ROBO2: variants seen among roughly 807,000 people sequenced by gnomAD.
ROBO2 encodes the protein roundabout homolog 2.
Under a neutral mutation model 160.8 loss-of-function variants are expected in ROBO2, and 53 were observed. The observed-to-expected ratio is 0.33, with a 90% CI of 0.26 to 0.41. ROBO2 has a LOEUF of 0.41. Among genes scored for constraint, ROBO2 ranks in the 10% least tolerant of loss-of-function variants. ROBO2 has a pLI of 1.00. For missense variants in ROBO2, 1,577 were observed against 1,722.4 expected (o/e 0.92, Z 1.49); for synonymous variants, 664 against 611.7 (o/e 1.09, Z -1.26).
At chr3:76,273,689 C>T (rs1255471910) in intron 2 of ROBO2, among the ~76,000 whole-genome samples, 1 of 152,036 alleles carries the variant, frequency 6.6e-6, no homozygotes, top group East Asian at 1.9e-4. Flanking sequence ...AACTCACTCA[C>T]CATCATGAGA....
chr3:77,525,800 T>C (rs1399972660), intron 6 of ROBO2, among the ~76,000 whole-genome samples: 1 of 151,132 alleles, frequency 6.6e-6, no homozygotes, highest in African/African-American at 2.4e-5. Context: ...TTTTTTTTCT[T>C]TTGTCAATAT....
chr3:77,193,275 CAAA>C (rs199951931), intron 2 of ROBO2, among the ~76,000 whole-genome samples: 20 of 144,568 alleles, frequency 1.4e-4, no homozygotes, highest in Middle Eastern at 3.5e-3. Context: ...ACAGATAATT[CAAA>C]AAAAAAAAAA....
At chr3:76,737,034 A>G (rs892238442) in intron 2 of ROBO2, among the ~76,000 whole-genome samples, 2 of 152,214 alleles carry the variant, frequency 1.3e-5, no homozygotes, top group Admixed American at 6.5e-5. Flanking sequence ...CTGCAAAGTT[A>G]TTGAGAATGG....
intron 2 of ROBO2, among the ~76,000 whole-genome samples, chr3:77,347,499 A>AT (rs1452383815): frequency 1.3e-5 from 2 of 152,124 alleles, no homozygotes; most frequent in East Asian, 3.9e-4. Context: ...AGAAGAATCT[A>AT]TAGTGTGTCA....
intron 12 of ROBO2, among the ~76,000 whole-genome samples, chr3:77,566,045 A>G (rs1244031084): frequency 2.0e-5 from 3 of 152,116 alleles, no homozygotes; most frequent in African/African-American, 7.2e-5. Flanking sequence ...TTTGTAAAAG[A>G]CTTTGAACAA....
chr3:76,424,560 A>G (rs2076131971), intron 2 of ROBO2, among the ~76,000 whole-genome samples: 2 of 152,172 alleles, frequency 1.3e-5, no homozygotes, highest in South Asian at 4.1e-4. Context: ...GTTATGCAAA[A>G]TAAATAAGAT....
In ROBO2 at chr3:77,100,967, T is replaced by C. The variant is rs370922448; in HGVS notation, c.388+2627T>C. ...AAAGAATGGAAGCTTAAATGAACAC[T>C]GTGTATTCGGAGAACTGCCAGGTGT... is the stretch of plus-strand genomic sequence containing the variant. On this transcript the variant is annotated intron_variant, in intron 2 of 25. Transcript: ENST00000461745. 1.5e-4 allele frequency among the ~76,000 whole-genome samples: 23 copies of C among 152,300 alleles called. No individual in the cohort carries two copies. In the East Asian group the frequency reaches 4.4e-3, roughly 29 times the overall value.
At chr3:76,368,251 A>G (rs2075930624) in intron 2 of ROBO2, among the ~76,000 whole-genome samples, 1 of 151,996 alleles carries the variant, frequency 6.6e-6, no homozygotes, top group Admixed American at 6.6e-5. Context: ...TGAATATGTG[A>G]AATAGAATAG....
chr3:77,189,837 G>A (rs1478325896), intron 2 of ROBO2, among the ~76,000 whole-genome samples: 1 of 151,782 alleles, frequency 6.6e-6, no homozygotes, highest in Non-Finnish European at 1.5e-5. Context: ...ATTAAACACA[G>A]GCTGGTACTG....
chr3:77,424,646 G>A (rs1043714523), intron 2 of ROBO2, among the ~76,000 whole-genome samples: 2 of 152,066 alleles, frequency 1.3e-5, no homozygotes, highest in African/African-American at 4.8e-5. Context: ...TAATGTAAAG[G>A]TTCTTTTCTT....
intron 2 of ROBO2, among the ~76,000 whole-genome samples, chr3:77,109,137 T>C (rs2073237540): frequency 6.6e-6 from 1 of 152,160 alleles, no homozygotes; most frequent in African/African-American, 2.4e-5. Context: ...GCATCTGTAG[T>C]TCAAGTGAAG....
At chr3:76,511,225 T>G (rs1234872025) in intron 2 of ROBO2, among the ~76,000 whole-genome samples, 1 of 152,222 alleles carries the variant, frequency 6.6e-6, no homozygotes, top group African/African-American at 2.4e-5. Flanking sequence ...ACAAGTTAAG[T>G]ATAAACTTGC....
At chr3:76,623,027 C>T (rs1427552437) in intron 2 of ROBO2, among the ~76,000 whole-genome samples, 1 of 152,202 alleles carries the variant, frequency 6.6e-6, no homozygotes, top group Non-Finnish European at 1.5e-5. Context: ...TATCTACTCT[C>T]TTCACTCAAG....
intron 5 of ROBO2, among the ~76,000 whole-genome samples, chr3:77,508,850 G>A (rs1482933554): frequency 4.0e-5 from 6 of 151,572 alleles, no homozygotes; most frequent in African/African-American, 7.3e-5. Context: ...TTTTTTTACC[G>A]CTGAAGATCA....
intron 1 of ROBO2, among the ~76,000 whole-genome samples, chr3:77,061,408 T>G (rs1578627146): frequency 6.6e-6 from 1 of 152,278 alleles, no homozygotes; most frequent in African/African-American, 2.4e-5. Flanking sequence ...TTTAAAATTT[T>G]TAACTTTTTT....
intron 2 of ROBO2, among the ~76,000 whole-genome samples, chr3:77,261,106 AG>A (rs1321818354): frequency 3.3e-5 from 5 of 152,192 alleles, no homozygotes; most frequent in Admixed American, 6.5e-5. Context: ...GAGTGAAGAT[AG>A]CGTATGGGAA....
intron 2 of ROBO2, among the ~76,000 whole-genome samples, chr3:76,574,119 T>C (rs2085135485): frequency 1.3e-5 from 2 of 152,112 alleles, no homozygotes; most frequent in African/African-American, 4.8e-5. Flanking sequence ...TGCTTTTCCC[T>C]AGCATACATA....
intron 2 of ROBO2, among the ~76,000 whole-genome samples, chr3:76,587,890 A>G (rs1472921756): frequency 6.6e-6 from 1 of 152,030 alleles, no homozygotes; most frequent in African/African-American, 2.4e-5. Context: ...TATACTTGAG[A>G]TGATCATCTC....
intron 2 of ROBO2, among the ~76,000 whole-genome samples, chr3:76,559,888 A>T (rs1165159674): frequency 6.6e-6 from 1 of 152,086 alleles, no homozygotes; most frequent in East Asian, 1.9e-4. Context: ...TCATCTCCAG[A>T]CTTGTAATGC....
Sources: allele counts gnomAD v4.1 joint callset (sites outside exome capture counted in the v4.1 genomes callset), GRCh38; gene constraint gnomAD v4.1.1; transcripts MANE v1.5; gene names NCBI Gene and HGNC (gene_info 2026-07-23, HGNC 2026-07-21).